Variants in LRFN5 observed in about 807,000 individuals in gnomAD.
LRFN5 encodes leucine rich repeat and fibronectin type III domain containing 5, also known as leucine-rich repeat and fibronectin type-III domain-containing protein 5.
Under a neutral mutation model 45.6 loss-of-function variants are expected in LRFN5, and 24 were observed. That is an observed-to-expected ratio of 0.53 (90% confidence interval 0.38 to 0.74). The LOEUF (loss-of-function observed/expected upper bound fraction) is 0.74, where lower values mean the gene tolerates loss of function less well. Among genes scored for constraint, LRFN5 ranks in the 30% least tolerant of loss-of-function variants. The pLI is 0.00. For synonymous variants in LRFN5, 340 were observed against 313.8 expected, an observed-to-expected ratio of 1.08 and a Z score of -0.88; for missense variants, 776 against 861.5, an observed-to-expected ratio of 0.90 and a Z score of 1.24.
intron 2 of LRFN5, among the ~76,000 whole-genome samples, chr14:41,874,942 C>T (rs1413800579): frequency 6.6e-6 from 1 of 152,134 alleles, no homozygotes; most frequent in East Asian, 1.9e-4. Flanking sequence ...TGAGAACTCA[C>T]TCACTGTCAC....
intron 2 of LRFN5, among the ~76,000 whole-genome samples, chr14:41,847,764 G>A (rs1171252479): frequency 6.6e-6 from 1 of 151,592 alleles, no homozygotes; most frequent in Non-Finnish European, 1.5e-5. Context: ...TTTTTATCTT[G>A]CACAAAAGTT....
chr14:41,651,956 T>A (rs1413881124), intron 1 of LRFN5, among the ~76,000 whole-genome samples: 2 of 152,126 alleles, frequency 1.3e-5, no homozygotes, highest in Admixed American at 6.6e-5. Flanking sequence ...TCTCCACTTC[T>A]TGTATCAATA....
Position 41,674,150 on chromosome 14 carries a change from C to G in LRFN5, c.-197+65588C>G, listed in dbSNP as rs1234054651. On this transcript the variant is annotated intron_variant, in intron 1 of 5. Coordinates refer to ENST00000298119, the MANE Select transcript of LRFN5 (RefSeq NM_152447.5). ...CTCCTCACTTCCCAGTAGGGGCGGCCGGGCAGAGGCGCCCCTCACCTCCCA... is the reference window on the plus strand; with the variant it reads ...CTCCTCACTTCCCAGTAGGGGCGGCGGGGCAGAGGCGCCCCTCACCTCCCA... Among the ~76,000 whole-genome samples, 8 of 131,774 alleles carry G rather than the reference C, an allele frequency of 6.1e-5. No homozygotes were observed. In the South Asian group the frequency reaches 2.1e-3, roughly 34 times the overall value. 86.4% of individuals were successfully genotyped at this position (131,774 alleles called of 152,430 possible). A position where few individuals can be genotyped will look rare whatever the true frequency, so the allele number is the denominator to read the frequency against.
chr14:41,783,727 C>A (rs1218522676), intron 2 of LRFN5, among the ~76,000 whole-genome samples: 1 of 152,064 alleles, frequency 6.6e-6, no homozygotes, highest in Non-Finnish European at 1.5e-5. Context: ...TATTTTTTCA[C>A]TAATTTAGAA....
rs545630001 is a variant in LRFN5 at position 41,851,980 on chromosome 14, T to C, written c.-20-34626T>C. On this transcript the variant is annotated intron_variant, in intron 2 of 5. Coordinates refer to ENST00000298119, the MANE Select transcript of LRFN5 (RefSeq NM_152447.5). ...AGTGGTAATCCTTGCTCTAAAGTAA[T>C]GCAGAAAAAAAAAGAGAATCTTTGT... Among the ~76,000 whole-genome samples the C allele has an allele frequency of 1.5e-3, 190 of 130,790 alleles. 2 individuals carry two copies. Among genetic ancestry groups the C allele is most frequent in the African/African-American group, 4.6e-3 (181 of 39,430 alleles). The allele number at this position is 130,790 out of a possible 152,430, so 85.8% of individuals were successfully genotyped here. A position where few individuals can be genotyped will look rare whatever the true frequency, so the allele number is the denominator to read the frequency against.
chr14:41,657,404 C>T (rs1038224483), intron 1 of LRFN5, among the ~76,000 whole-genome samples: 14 of 151,772 alleles, frequency 9.2e-5, no homozygotes, highest in African/African-American at 3.4e-4. Context: ...GATGTAAAAG[C>T]GAGTGGAAGA....
chr14:41,708,122 G>GAAATATGAA (rs1883140705), intron 1 of LRFN5, among the ~76,000 whole-genome samples: 1 of 151,884 alleles, frequency 6.6e-6, no homozygotes, highest in Admixed American at 6.6e-5. Context: ...TTTCATATTA[G>GAAATATGAA]TACTTTTTCC....
At chr14:41,781,580 G>T (rs1353544887) in intron 2 of LRFN5, among the ~76,000 whole-genome samples, 1 of 92,930 alleles carries the variant, frequency 1.1e-5, no homozygotes, top group African/African-American at 5.0e-5. Context: ...AAGAAAGAAA[G>T]AAAGAAAGAA....
intron 1 of LRFN5, among the ~76,000 whole-genome samples, chr14:41,704,432 C>G (rs77371850): frequency 0.016 from 467 of 28,552 alleles, 8 homozygotes; most frequent in African/African-American, 0.11. Context: ...CTCTCTCTCT[C>G]TCTCTCTCTC....
chr14:41,726,496 ATGCC>A (rs1883938825), intron 1 of LRFN5, among the ~76,000 whole-genome samples: 1 of 152,166 alleles, frequency 6.6e-6, no homozygotes, highest in African/African-American at 2.4e-5. Context: ...AATGTTTATA[ATGCC>A]TGAATTTTCA....
chr14:41,758,411 G>T (rs1885507189), intron 1 of LRFN5, among the ~76,000 whole-genome samples: 3 of 152,120 alleles, frequency 2.0e-5, no homozygotes, highest in Admixed American at 1.3e-4. Context: ...AGTAACCCTT[G>T]CCTGTACTTT....
intron 1 of LRFN5, chr14:41,699,873 A>AT (rs1392073308): frequency 1.3e-5 from 2 of 152,032 alleles, no homozygotes; most frequent in Non-Finnish European, 2.9e-5. Context: ...GAAAAAGACC[A>AT]TTTTTTCTCT....
chr14:41,740,827 T>C (rs1458594042), intron 1 of LRFN5, among the ~76,000 whole-genome samples: 2 of 151,996 alleles, frequency 1.3e-5, no homozygotes, highest in Non-Finnish European at 2.9e-5. Flanking sequence ...TAGAAAACCC[T>C]AAAGGCTTTA....
chr14:41,760,501 G>A (rs987326982), intron 1 of LRFN5, among the ~76,000 whole-genome samples: 2 of 152,100 alleles, frequency 1.3e-5, no homozygotes, highest in Admixed American at 6.5e-5. Context: ...AATTGATCTG[G>A]CTTCTACACA....
chr14:41,765,346 A>C (rs1419276369), intron 1 of LRFN5, among the ~76,000 whole-genome samples: 3 of 121,642 alleles, frequency 2.5e-5, no homozygotes, highest in African/African-American at 9.4e-5. Context: ...CGTCTCAAAA[A>C]AAAAGGAGGA....
At chr14:41,883,789 G>T (rs755080723) in intron 2 of LRFN5, among the ~76,000 whole-genome samples, 7 of 151,922 alleles carry the variant, frequency 4.6e-5, no homozygotes, top group Non-Finnish European at 1.0e-4. Context: ...GTCTTGGTAT[G>T]GTTTCATTGT....
rs566926053 is a variant in LRFN5 at position 41,609,304 on chromosome 14, C to T, written c.-197+742C>T. On this transcript the variant is annotated intron_variant, in intron 1 of 5. Coordinates refer to ENST00000298119, the MANE Select transcript of LRFN5 (RefSeq NM_152447.5). ...TATTGTCCCCGTCACGGACACGCAA[C>T]TCCTTTGCGCGTTTTTTTGTTGTTG... is the stretch of plus-strand genomic sequence containing the variant. Among the ~76,000 whole-genome samples the T allele has an allele frequency of 1.3e-4, 19 of 151,540 alleles. 1 individual carries two copies. In the South Asian group the frequency reaches 3.9e-3, roughly 31 times the overall value.
intron 1 of LRFN5, among the ~76,000 whole-genome samples, chr14:41,726,969 T>G (rs1057158844): frequency 2.0e-5 from 3 of 152,234 alleles, no homozygotes; most frequent in African/African-American, 7.2e-5. Flanking sequence ...TTTTTGTTTC[T>G]TACCCTTAAT....
chr14:41,887,797 A>T lies in LRFN5; in HGVS notation c.1172A>T (p.Asp391Val). Residue 391 changes from aspartate (D) to valine (V), a missense_variant, in exon 3 of 6, where the codon GAT (aspartate) becomes GTT (valine). Asp to Val is a radical substitution (Grantham distance 152). Around this residue, in one of 2 missense-constraint regions of LRFN5, gnomAD observed 465 missense variants for 456.4 expected, o/e 1.02. Coordinates refer to ENST00000298119, the MANE Select transcript of LRFN5 (RefSeq NM_152447.5). This position sits in a 1 kb window ranked among gnomAD's most constrained non-coding sequence, Gnocchi z 4.8. ...LNSTNHIHEP[D>V]PGSSDISTST... The stretch of plus-strand genomic sequence containing the variant: ...AGTACAAACCATATCCATGAGCCTG[A>T]TCCTGGTTCTTCAGATATCTCAACT... The T allele has an allele frequency of 6.2e-7, 1 of 1,613,918 alleles. No individual in the cohort carries two copies. The highest frequency in any genetic ancestry group is 8.5e-7 in the Non-Finnish European group (1 of 1,179,926).
Sources: allele counts gnomAD v4.1 joint callset (sites outside exome capture counted in the v4.1 genomes callset), GRCh38; gene constraint gnomAD v4.1.1; regional missense constraint gnomAD v4.1.1; non-coding constraint Gnocchi (gnomAD v3.1); transcripts MANE v1.5; gene names NCBI Gene and HGNC (gene_info 2026-07-23, HGNC 2026-07-21).